Variants in SBF2 observed in about 807,000 individuals in gnomAD.
SBF2 encodes SET binding factor 2.
SBF2 carries 112 observed loss-of-function variants against 225.2 expected under a neutral mutation model. That is an observed-to-expected ratio of 0.50 (90% CI 0.43 to 0.58). The LOEUF is 0.58. Among genes scored for constraint, SBF2 ranks in the 20% least tolerant of loss-of-function variants. SBF2 has a pLI of 0.00. For missense variants in SBF2, 1,996 were observed against 2,206.2 expected, an observed-to-expected ratio of 0.90 and a Z score of 1.91; for synonymous variants, 763 against 773.3, an observed-to-expected ratio of 0.99 and a Z score of 0.22.
intron 1 of SBF2, among the ~76,000 whole-genome samples, chr11:10,262,857 G>A (rs554805710): frequency 3.6e-4 from 54 of 151,986 alleles, no homozygotes; most frequent in African/African-American, 1.2e-3. Context: ...TTCTCTAAAT[G>A]TTCTGCAAAG....
At chr11:9,944,545 C>T (rs1865456732) in intron 16 of SBF2, among the ~76,000 whole-genome samples, 1 of 152,074 alleles carries the variant, frequency 6.6e-6, no homozygotes, top group Non-Finnish European at 1.5e-5. Context: ...TAGTCAAACA[C>T]ATATAATATC....
intron 17 of SBF2, among the ~76,000 whole-genome samples, chr11:9,870,690 A>G (rs1858647995): frequency 6.6e-6 from 1 of 151,918 alleles, no homozygotes; most frequent in African/African-American, 2.4e-5. Flanking sequence ...ACAAAAATTA[A>G]CCTGGCCGGG....
At chr11:9,875,702 G>A (rs1859171532) in intron 17 of SBF2, among the ~76,000 whole-genome samples, 2 of 152,206 alleles carry the variant, frequency 1.3e-5, no homozygotes, top group Admixed American at 1.3e-4. Flanking sequence ...CTCCCTGCAA[G>A]GTCCAGTTTG....
At chr11:10,091,244 G>A (rs1951771251) in intron 2 of SBF2, among the ~76,000 whole-genome samples, 1 of 152,152 alleles carries the variant, frequency 6.6e-6, no homozygotes, top group Non-Finnish European at 1.5e-5. Flanking sequence ...AGATTTTAAA[G>A]GAGCTAAGAC....
intron 16 of SBF2, among the ~76,000 whole-genome samples, chr11:9,912,244 G>A (rs1343940798): frequency 4.2e-5 from 6 of 141,972 alleles, no homozygotes; most frequent in African/African-American, 8.0e-5. Flanking sequence ...CCTGGGATGC[G>A]GAGGTTGCAG....
At chr11:10,101,212 A>G (rs1422743968) in intron 2 of SBF2, among the ~76,000 whole-genome samples, 1 of 152,104 alleles carries the variant, frequency 6.6e-6, no homozygotes, top group East Asian at 1.9e-4. Flanking sequence ...TCTTCGTCTT[A>G]CCCAGCAACT....
intron 26 of SBF2, chr11:9,838,156 T>C (rs1855856458): frequency 6.6e-6 from 1 of 152,040 alleles, no homozygotes; most frequent in Non-Finnish European, 1.5e-5. Flanking sequence ...ACCATCTTAC[T>C]ACTTGTTATT....
At chr11:10,019,787 T>A (rs1018764905) in intron 6 of SBF2, among the ~76,000 whole-genome samples, 1 of 152,172 alleles carries the variant, frequency 6.6e-6, no homozygotes, top group African/African-American at 2.4e-5. Context: ...ATGCTGATCA[T>A]TTCAGTAAAA....
At chr11:10,217,986 G>A (rs1487325273) in intron 1 of SBF2, among the ~76,000 whole-genome samples, 7 of 151,926 alleles carry the variant, frequency 4.6e-5, no homozygotes, top group African/African-American at 7.2e-5. Flanking sequence ...TGCAACCCCC[G>A]CCTCCCAGGT....
intron 2 of SBF2, among the ~76,000 whole-genome samples, chr11:10,078,868 C>A (rs998391952): frequency 6.6e-6 from 1 of 152,176 alleles, no homozygotes; most frequent in Non-Finnish European, 1.5e-5. Flanking sequence ...ACCCTGGCTA[C>A]TCAGGAGGAC....
chr11:10,084,100 A>G (rs996549803), intron 2 of SBF2, among the ~76,000 whole-genome samples: 1 of 152,244 alleles, frequency 6.6e-6, no homozygotes, highest in Admixed American at 6.5e-5. Context: ...CAAAGTATCT[A>G]TCCAACAAGG....
chr11:9,989,902 A>T (rs573963255), intron 12 of SBF2, among the ~76,000 whole-genome samples: 1 of 152,294 alleles, frequency 6.6e-6, no homozygotes, highest in African/African-American at 2.4e-5. Flanking sequence ...GACAGTCAGA[A>T]AGTGTCTAAA....
chr11:9,922,053 C>T (rs562728368), intron 16 of SBF2, among the ~76,000 whole-genome samples: 1 of 151,998 alleles, frequency 6.6e-6, no homozygotes, highest in East Asian at 1.9e-4. Context: ...TTAAGACCAG[C>T]CTGGGCAACA....
chr11:10,055,522 GATACAC>G (rs1203186938), intron 2 of SBF2, among the ~76,000 whole-genome samples: 1 of 74,808 alleles, frequency 1.3e-5, no homozygotes, highest in Non-Finnish European at 2.6e-5. Context: ...TAAAGAAAAT[GATACAC>G]ACACACACAC....
At chr11:10,172,204 T>C (rs1247601565) in intron 2 of SBF2, among the ~76,000 whole-genome samples, 1 of 152,110 alleles carries the variant, frequency 6.6e-6, no homozygotes, top group Non-Finnish European at 1.5e-5. Context: ...GCCTTTCTAG[T>C]TCTTTAAGAT....
intron 1 of SBF2, among the ~76,000 whole-genome samples, chr11:10,196,482 C>T (rs767604603): frequency 1.3e-5 from 2 of 151,978 alleles, no homozygotes; most frequent in African/African-American, 4.8e-5. Context: ...CAGACTCAAG[C>T]GATCCTCCTA....
At chr11:9,952,057 G>A (rs1210054995) in intron 16 of SBF2, among the ~76,000 whole-genome samples, 1 of 152,320 alleles carries the variant, frequency 6.6e-6, no homozygotes, top group East Asian at 1.9e-4. Flanking sequence ...ATTTCTCAGA[G>A]AACAGTTTTA....
At chr11:10,188,657 A>G (rs1264165361) in intron 2 of SBF2, among the ~76,000 whole-genome samples, 1 of 152,208 alleles carries the variant, frequency 6.6e-6, no homozygotes, top group African/African-American at 2.4e-5. Context: ...AGTGTATTAG[A>G]ATCATAACAC....
chr11:9,932,566 C>T, intron 16 of SBF2, among the ~76,000 whole-genome samples: 1 of 152,152 alleles, frequency 6.6e-6, no homozygotes. Context: ...AAATCCTTTA[C>T]AGACAAGCAA....
Sources: gnomAD v4.1 joint callset for allele counts (sites outside exome capture counted in the v4.1 genomes callset) on GRCh38, gnomAD v4.1.1 for gene constraint, MANE v1.5 for transcripts, NCBI Gene and HGNC (gene_info 2026-07-23, HGNC 2026-07-21) for gene names.